OSBPL1A: variants seen among roughly 807,000 people sequenced by gnomAD.
OSBPL1A encodes the protein oxysterol-binding protein-related protein 1.
OSBPL1A carries 80 observed loss-of-function variants against 137.1 expected under a neutral mutation model. That is an observed-to-expected ratio of 0.58 (90% CI 0.49 to 0.70). The LOEUF is 0.70. Among genes scored for constraint, OSBPL1A ranks in the 30% least tolerant of loss-of-function variants. OSBPL1A has a pLI of 0.00. For synonymous variants in OSBPL1A, 365 were observed against 389.7 expected (o/e 0.94, Z 0.75); for missense variants, 970 against 1,129.4 (o/e 0.86, Z 2.02).
At chr18:24,164,865 T>TA (rs2145901065) in intron 27 of OSBPL1A, among the ~76,000 whole-genome samples, 200 bp downstream of exon 27, 1 of 152,326 alleles carries the variant, frequency 6.6e-6, no homozygotes, top group Admixed American at 6.5e-5. Flanking sequence ...ATAACAAAGA[T>TA]ACGGAATCAA....
intron 15 of OSBPL1A, among the ~76,000 whole-genome samples, chr18:24,243,619 C>A (rs947367858): frequency 2.0e-5 from 3 of 152,166 alleles, no homozygotes; most frequent in Admixed American, 6.5e-5. Flanking sequence ...AAAATAAGCA[C>A]CACTTAGCTG....
intron 22 of OSBPL1A, 63 bp downstream of exon 22, chr18:24,172,313 G>T: frequency 4.3e-6 from 5 of 1,168,554 alleles, no homozygotes; most frequent in Non-Finnish European, 6.3e-6. Context: ...CAAAAAAACT[G>T]ATGTCCACTA....
intron 15 of OSBPL1A, among the ~76,000 whole-genome samples, chr18:24,253,967 T>C (rs1335609697): frequency 6.6e-6 from 1 of 152,192 alleles, no homozygotes; most frequent in Non-Finnish European, 1.5e-5. Context: ...GGGGGTCTTT[T>C]TGGGAAAAGG....
At chr18:24,323,136 T>C (rs1032685527) in intron 7 of OSBPL1A, among the ~76,000 whole-genome samples, 2 of 152,090 alleles carry the variant, frequency 1.3e-5, no homozygotes, top group African/African-American at 4.8e-5. Context: ...TTAAAAATGG[T>C]AAGGGGAAAT....
rs116700301 is a variant in OSBPL1A at position 24,346,619 on chromosome 18, T to G, written c.283-4961A>C. Among the ~76,000 whole-genome samples the G allele has an allele frequency of 6.4e-3, 974 of 152,364 alleles. 9 individuals are homozygous for G. Among genetic ancestry groups the G allele is most frequent in the African/African-American group, 0.022 (930 of 41,588 alleles). On this transcript the variant is annotated intron_variant, in intron 4 of 27. Transcript: ENST00000319481. Reference sequence around the variant, plus strand: ...AGTTAGCATGTTCTCAAGGTTCATTTATGTTTTGGTGTGTATCAGTACTTC... The same window carrying G: ...AGTTAGCATGTTCTCAAGGTTCATTGATGTTTTGGTGTGTATCAGTACTTC...
chr18:24,337,544 C>A (rs1239270205), intron 5 of OSBPL1A, among the ~76,000 whole-genome samples: 1 of 146,548 alleles, frequency 6.8e-6, no homozygotes, highest in Non-Finnish European at 1.5e-5. Context: ...GCACTCCAGC[C>A]TGGGTGACAG....
At chr18:24,213,888 C>A (rs1407650349) in intron 17 of OSBPL1A, among the ~76,000 whole-genome samples, 1 of 152,148 alleles carries the variant, frequency 6.6e-6, no homozygotes, top group Non-Finnish European at 1.5e-5. Flanking sequence ...CTTTTTATTT[C>A]TCAGTTTATC....
intron 1 of OSBPL1A, among the ~76,000 whole-genome samples, chr18:24,386,317 G>C (rs1906961685): frequency 6.6e-6 from 1 of 152,130 alleles, no homozygotes. Flanking sequence ...TCAGTTTTAA[G>C]ACAGGCATTT....
At chr18:24,223,231 G>T (rs1290314055) in intron 17 of OSBPL1A, among the ~76,000 whole-genome samples, 2 of 152,030 alleles carry the variant, frequency 1.3e-5, no homozygotes, top group Non-Finnish European at 2.9e-5. Flanking sequence ...TGATAGCACT[G>T]AATACTCTTG....
chr18:24,241,137 A>C (rs569483622), intron 15 of OSBPL1A, among the ~76,000 whole-genome samples: 1 of 152,390 alleles, frequency 6.6e-6, no homozygotes, highest in East Asian at 1.9e-4. Context: ...AAGATGGATT[A>C]AAGACTGAAA....
chr18:24,325,670 A>G (rs892587319), intron 7 of OSBPL1A, among the ~76,000 whole-genome samples: 3 of 152,174 alleles, frequency 2.0e-5, no homozygotes, highest in Non-Finnish European at 2.9e-5. Context: ...TCCTCCCACC[A>G]GAATATGAGC....
At chr18:24,374,582 G>C (rs139522293) in intron 2 of OSBPL1A, among the ~76,000 whole-genome samples, 139 of 152,304 alleles carry the variant, frequency 9.1e-4, no homozygotes, top group African/African-American at 3.2e-3. Context: ...TGTCCTGAGG[G>C]AAGGCTGCAT....
chr18:24,319,871 G>A (rs186663921), intron 7 of OSBPL1A, among the ~76,000 whole-genome samples: 3 of 151,896 alleles, frequency 2.0e-5, no homozygotes, highest in South Asian at 2.1e-4. Flanking sequence ...TAGGCCAGGC[G>A]CAGTGGCTCA....
intron 4 of OSBPL1A, among the ~76,000 whole-genome samples, chr18:24,364,096 G>A (rs1018346371): frequency 6.6e-6 from 1 of 152,124 alleles, no homozygotes; most frequent in Admixed American, 6.6e-5. Flanking sequence ...AAGTTTTGGG[G>A]GATTAGGATG....
chr18:24,261,769 GCTGCAGTGAGCTGAGACCT>G, intron 15 of OSBPL1A, among the ~76,000 whole-genome samples: 2 of 152,218 alleles, frequency 1.3e-5, no homozygotes, highest in South Asian at 2.1e-4. Context: ...GGAAGTTAAG[GCTGCAGTGAGCTGAGACCT>G]CTGCAGTGAG....
At chr18:24,384,068 T>G (rs987756251) in intron 1 of OSBPL1A, among the ~76,000 whole-genome samples, 2 of 152,186 alleles carry the variant, frequency 1.3e-5, no homozygotes, top group African/African-American at 2.4e-5. Context: ...CATTAGTGAT[T>G]AGATACAGAG....
chr18:24,394,891 TC>T (rs1329580543), intron 1 of OSBPL1A, among the ~76,000 whole-genome samples: 1 of 152,174 alleles, frequency 6.6e-6, no homozygotes, highest in Non-Finnish European at 1.5e-5. Context: ...ACCTAGTTTA[TC>T]TTCCTAGTAA....
intron 12 of OSBPL1A, among the ~76,000 whole-genome samples, chr18:24,312,858 T>A (rs145744187): frequency 1.3e-5 from 2 of 152,188 alleles, no homozygotes; most frequent in Non-Finnish European, 2.9e-5. Context: ...AGAATAGGCC[T>A]GCCGCGGTGG....
chr18:24,319,682 A>AC (rs2090806065), intron 7 of OSBPL1A, among the ~76,000 whole-genome samples: 2 of 148,976 alleles, frequency 1.3e-5, no homozygotes, highest in African/African-American at 4.9e-5. Flanking sequence ...CAAAAGGTAA[A>AC]AAAACAAACA....
Sources: gnomAD v4.1 joint callset for allele counts (sites outside exome capture counted in the v4.1 genomes callset) on GRCh38, gnomAD v4.1.1 for gene constraint, MANE v1.5 for transcripts, NCBI Gene and HGNC (gene_info 2026-07-23, HGNC 2026-07-21) for gene names.